EFTUD2: variants seen among roughly 807,000 people sequenced by gnomAD.
The protein encoded by EFTUD2 is elongation factor Tu GTP binding domain containing 2.
EFTUD2 carries 9 observed loss-of-function variants against 114.3 expected under a neutral mutation model. The ratio of observed to expected loss-of-function variants is 0.08; its 90% CI spans 0.05 to 0.14. The LOEUF is 0.14. Ranked by LOEUF, EFTUD2 falls within the 10% of genes least tolerant of loss-of-function variation. The pLI, the probability that EFTUD2 is intolerant of heterozygous loss-of-function variation, is 1.00. For missense variants in EFTUD2, 765 were observed against 1,241.2 expected (o/e 0.62, Z 5.76); for synonymous variants, 449 against 462.3 (o/e 0.97, Z 0.37).
At chr17:44,855,094 G>A in intron 20 of EFTUD2, 90 bp from the exon 21 acceptor site, 2 of 1,217,396 alleles carry the variant, frequency 1.6e-6, no homozygotes, top group Non-Finnish European at 2.4e-6. Flanking sequence ...GGACAGCTGA[G>A]GAAGTGACAT....
At chr17:44,881,564 G>A (rs1168832638) in intron 7 of EFTUD2, 123 bp downstream of exon 7, 1 of 1,027,226 alleles carries the variant, frequency 9.7e-7, no homozygotes, top group South Asian at 1.4e-5. Context: ...GATGTGAGAA[G>A]TGGAGAGAGA....
rs562437186 is a variant in EFTUD2 at position 44,882,645 on chromosome 17, T to C, written c.492+448A>G. ...TCTTAGTGTGGTAAAGGGAGACACA[T>C]GTCAGCCTTAATGCTAAAGTGTTAA... On this transcript the variant is annotated intron_variant, in intron 6 of 27. Transcript: ENST00000426333. Among the ~76,000 whole-genome samples, 3 of 152,220 alleles carry C rather than the reference T, an allele frequency of 2.0e-5. No homozygotes were observed. In the South Asian group the frequency reaches 6.2e-4, roughly 31 times the overall value.
intron 17 of EFTUD2, 101 bp downstream of exon 17, chr17:44,860,331 A>G (rs1341906300): frequency 1.1e-6 from 1 of 894,622 alleles, no homozygotes; most frequent in Non-Finnish European, 1.8e-6. Context: ...GCCTGAAACC[A>G]GGACATGGCA....
intron 1 of EFTUD2, among the ~76,000 whole-genome samples, chr17:44,895,495 CAAAA>C (rs34990843): frequency 2.3e-5 from 2 of 88,114 alleles, no homozygotes; most frequent in African/African-American, 4.6e-5. Flanking sequence ...GACTCCATCT[CAAAA>C]AAAAAAAAAA....
intron 25 of EFTUD2, 99 bp downstream of exon 25, chr17:44,853,197 G>C: frequency 8.0e-7 from 1 of 1,252,460 alleles, no homozygotes; most frequent in East Asian, 2.3e-5. Flanking sequence ...AGAGAGAGGA[G>C]GGTAGAGAAG....
At position 44,851,381 on chromosome 17, in the gene EFTUD2, G is replaced by C. The variant is rs1466720228; in HGVS notation, c.2824-12C>G. The C allele has an allele frequency of 3.1e-6, 5 of 1,607,614 alleles. No individual in the cohort carries two copies. The highest frequency in any genetic ancestry group is 4.3e-6 in the Non-Finnish European group (5 of 1,174,918). ...TCTTCACTGAGGCCCTGCAGGGAAT[G>C]GGGCAAATATAAGAAAGCCCGAGGT... is the stretch of plus-strand genomic sequence containing the variant. On this transcript the variant is annotated splice_polypyrimidine_tract_variant and intron_variant, in intron 27 of 27. Coordinates refer to ENST00000426333, the MANE Select transcript of EFTUD2 (RefSeq NM_004247.4).
At chr17:44,855,875 C>T (rs879817084) in intron 20 of EFTUD2, among the ~76,000 whole-genome samples, 1 of 151,498 alleles carries the variant, frequency 6.6e-6, no homozygotes, top group African/African-American at 2.4e-5. Context: ...TTGCTTGGAC[C>T]CGGGAGGCAG....
intron 2 of EFTUD2, among the ~76,000 whole-genome samples, chr17:44,888,621 C>G (rs758075967): frequency 5.3e-5 from 8 of 152,060 alleles, no homozygotes; most frequent in Non-Finnish European, 1.2e-4. Context: ...AGGCTGAATT[C>G]TGGATACATT....
chr17:44,860,583 G>C (rs571286091), intron 16 of EFTUD2, 40 bp from the exon 17 acceptor site: 2 of 1,124,254 alleles, frequency 1.8e-6, no homozygotes, highest in African/African-American at 1.6e-5. Flanking sequence ...AACTTAGGCA[G>C]AGCATTCCCT....
At chr17:44,883,014 G>T in intron 6 of EFTUD2, 79 bp downstream of exon 6, 1 of 1,395,792 alleles carries the variant, frequency 7.2e-7, no homozygotes, top group Non-Finnish European at 1.0e-6. Context: ...AGAACAGGAA[G>T]GGTGAAGGAA....
chr17:44,856,766 AAAAAAAC>A (rs1359582577), intron 20 of EFTUD2, among the ~76,000 whole-genome samples: 5 of 151,774 alleles, frequency 3.3e-5, no homozygotes, highest in Admixed American at 2.6e-4. Flanking sequence ...GTCAAAAAAA[AAAAAAAC>A]AAAAAAACAA....
At chr17:44,890,166 G>A (rs1464608007) in intron 2 of EFTUD2, among the ~76,000 whole-genome samples, 1 of 141,940 alleles carries the variant, frequency 7.0e-6, no homozygotes, top group Non-Finnish European at 1.6e-5. Context: ...ACCACGCCCA[G>A]CTAATTTTTG....
intron 18 of EFTUD2, 68 bp downstream of exon 18, chr17:44,859,837 G>A (rs534434040): frequency 4.7e-5 from 75 of 1,605,182 alleles, no homozygotes; most frequent in Admixed American, 6.7e-5. Context: ...GATGGGAAGC[G>A]GTGTGCAGCT....
intron 2 of EFTUD2, chr17:44,894,211 TA>T (rs1057435487): frequency 7.8e-4 from 375 of 477,816 alleles, no homozygotes; most frequent in Middle Eastern, 1.7e-3. Context: ...CCACGAAAAA[TA>T]AAAAAAAATT....
intron 19 of EFTUD2, among the ~76,000 whole-genome samples, chr17:44,858,466 A>C (rs558196265): frequency 6.6e-6 from 1 of 152,290 alleles, no homozygotes; most frequent in South Asian, 2.1e-4. Flanking sequence ...GCAATGGCAC[A>C]ATGATTGCTC....
At chr17:44,895,506 A>G (rs2051367189) in intron 1 of EFTUD2, among the ~76,000 whole-genome samples, 1 of 152,122 alleles carries the variant, frequency 6.6e-6, no homozygotes, top group African/African-American at 2.4e-5. Context: ...AAAAAAAAAA[A>G]AAAAAAAAAA....
chr17:44,897,257 C>T (rs1211663807), intron 1 of EFTUD2, among the ~76,000 whole-genome samples: 3 of 150,972 alleles, frequency 2.0e-5, no homozygotes. Context: ...GAGTCCTAGG[C>T]TCAATAAACG....
Position 44,886,295 on chromosome 17 carries a change from T to C in EFTUD2, c.271+290A>G, listed in dbSNP as rs560636788. 3.9e-5 allele frequency among the ~76,000 whole-genome samples: 6 copies of C among 152,234 alleles called. No individual in the cohort carries two copies. In the East Asian group the frequency reaches 9.7e-4, roughly 25 times the overall value. ...GAACTGGTTAAAAGGGTTGGAGTTATTTGGATGGAAAAACATATCAGGCCA... is the reference window on the plus strand; with the variant it reads ...GAACTGGTTAAAAGGGTTGGAGTTACTTGGATGGAAAAACATATCAGGCCA... On this transcript the variant is annotated intron_variant, in intron 3 of 27. Coordinates refer to ENST00000426333, the MANE Select transcript of EFTUD2 (RefSeq NM_004247.4).
intron 10 of EFTUD2, among the ~76,000 whole-genome samples, chr17:44,873,822 C>A (rs1459014791): frequency 1.3e-5 from 2 of 150,746 alleles, no homozygotes; most frequent in Non-Finnish European, 2.9e-5. Flanking sequence ...AGCTCCGTCT[C>A]CCGGGTTCAC....
Sources: allele counts gnomAD v4.1 joint callset (sites outside exome capture counted in the v4.1 genomes callset), GRCh38; gene constraint gnomAD v4.1.1; transcripts MANE v1.5; gene names NCBI Gene and HGNC (gene_info 2026-07-23, HGNC 2026-07-21).